The following GLG1 variants were observed in gnomAD, a reference collection of about 807,000 sequenced individuals.
GLG1 encodes the protein golgi glycoprotein 1.
Under a neutral mutation model 160.5 loss-of-function variants are expected in GLG1, and 38 were observed. The ratio of observed to expected loss-of-function variants is 0.24; its 90% CI spans 0.18 to 0.31. The LOEUF (loss-of-function observed/expected upper bound fraction) is 0.31. Among genes scored for constraint, GLG1 ranks in the 10% least tolerant of loss-of-function variants. GLG1 has a pLI of 1.00. For missense variants in GLG1, 1,373 were observed against 1,505.2 expected (o/e 0.91, Z 1.45); for synonymous variants, 644 against 543.4 (o/e 1.19, Z -2.57).
At chr16:74,570,466 A>G (rs2018793270) in intron 1 of GLG1, among the ~76,000 whole-genome samples, 1 of 152,252 alleles carries the variant, frequency 6.6e-6, no homozygotes, top group African/African-American at 2.4e-5. Context: ...GAATAAAAAA[A>G]AATGCACTGA....
intron 1 of GLG1, among the ~76,000 whole-genome samples, chr16:74,594,091 G>A (rs1415586645): frequency 6.6e-6 from 1 of 151,908 alleles, no homozygotes; most frequent in Non-Finnish European, 1.5e-5. Context: ...ATTGGTAGGA[G>A]AGACGGGATT....
chr16:74,575,844 C>T (rs2018986723), intron 1 of GLG1, among the ~76,000 whole-genome samples: 1 of 152,094 alleles, frequency 6.6e-6, no homozygotes, highest in Non-Finnish European at 1.5e-5. Context: ...ATCACGAAAC[C>T]ATATACAACC....
chr16:74,504,513 C>T (rs546106071), intron 3 of GLG1, among the ~76,000 whole-genome samples: 3 of 152,254 alleles, frequency 2.0e-5, no homozygotes, highest in Non-Finnish European at 4.4e-5. Flanking sequence ...GTCTCGAACT[C>T]CTGACCCCAC....
chr16:74,520,465 T>C (rs2017126794), intron 2 of GLG1, among the ~76,000 whole-genome samples: 1 of 152,038 alleles, frequency 6.6e-6, no homozygotes, highest in African/African-American at 2.4e-5. Flanking sequence ...GTAGAAACCC[T>C]ATCTCTACTA....
chr16:74,567,655 G>C (rs1414630931), intron 1 of GLG1, among the ~76,000 whole-genome samples: 1 of 136,460 alleles, frequency 7.3e-6, no homozygotes, highest in African/African-American at 2.7e-5. Flanking sequence ...TGCAAGCTCC[G>C]CTTCCCGGGT....
chr16:74,500,882 T>A (rs549267659), intron 4 of GLG1, among the ~76,000 whole-genome samples: 1 of 152,352 alleles, frequency 6.6e-6, no homozygotes, highest in East Asian at 1.9e-4. Flanking sequence ...TATTAATGTA[T>A]CTTCTTTGTT....
chr16:74,472,265 C>A (rs1169164565), intron 14 of GLG1, 84 bp downstream of exon 14: 1 of 882,790 alleles, frequency 1.1e-6, no homozygotes, highest in African/African-American at 1.7e-5. Flanking sequence ...ATGCTGCAGA[C>A]AGAGGTGAGT....
At chr16:74,507,641 C>T (rs2016659226) in intron 3 of GLG1, among the ~76,000 whole-genome samples, 1 of 151,936 alleles carries the variant, frequency 6.6e-6, no homozygotes, top group Admixed American at 6.6e-5. Context: ...GAGGCTGAGG[C>T]AGGAGAACTG....
intron 11 of GLG1, among the ~76,000 whole-genome samples, chr16:74,478,435 T>C (rs1178692411): frequency 6.6e-6 from 1 of 152,140 alleles, no homozygotes; most frequent in Non-Finnish European, 1.5e-5. Flanking sequence ...TATTGACAGA[T>C]ACAGTTAGTC....
At chr16:74,550,520 T>C (rs960329355) in intron 1 of GLG1, among the ~76,000 whole-genome samples, 1 of 152,168 alleles carries the variant, frequency 6.6e-6, no homozygotes, top group Non-Finnish European at 1.5e-5. Flanking sequence ...GGCGAGAAGA[T>C]GCCAAAAACT....
intron 2 of GLG1, among the ~76,000 whole-genome samples, chr16:74,510,248 C>T (rs1198695297): frequency 6.6e-6 from 1 of 152,094 alleles, no homozygotes; most frequent in Admixed American, 6.5e-5. Context: ...TCAGGCTGGT[C>T]TTGAACTCCT....
chr16:74,451,836 AAT>A lies in GLG1; in HGVS notation c.*1329_*1330del. ...GGAGGAATGAGGCGGGATGGCCAAG[AAT>A]ATTGCTTCTATAAAGCCCATATTCT... On this transcript the variant is annotated 3_prime_UTR_variant, in exon 26 of 26. Coordinates refer to ENST00000422840, the MANE Select transcript of GLG1 (RefSeq NM_001145667.2). 2.0e-6 allele frequency: 1 copy of A among 506,848 alleles called. No individual in the cohort carries two copies. The highest frequency in any genetic ancestry group is 3.6e-6 in the Non-Finnish European group (1 of 277,450). 31.4% of individuals were successfully genotyped at this position (506,848 alleles called of 1,614,324 possible). A position where few individuals can be genotyped will look rare whatever the true frequency, so the allele number is the denominator to read the frequency against.
At chr16:74,544,241 G>C (rs1261523082) in intron 1 of GLG1, among the ~76,000 whole-genome samples, 1 of 152,222 alleles carries the variant, frequency 6.6e-6, no homozygotes, top group African/African-American at 2.4e-5. Flanking sequence ...TTTGGAAAGA[G>C]ATCTGGGAAC....
chr16:74,606,795 C>A lies in GLG1; in HGVS notation c.300G>T (p.Arg100=), dbSNP rs767426574. ...PPFPAGGPPA[R]RGGAGAGGGW... ...CCCCACCAGCCCCCGCTCCTCCCCG[C>A]CGGGCCGGAGGCCCACCCGCCGGGA... is the stretch of plus-strand genomic sequence containing the variant. Residue 100 remains arginine (R), a synonymous_variant, in exon 1 of 26, where the codon CGG becomes CGT. Coordinates refer to ENST00000422840, the MANE Select transcript of GLG1 (RefSeq NM_001145667.2). 1.3e-6 allele frequency: 2 copies of A among 1,599,094 alleles called. No individual in the cohort carries two copies. The highest frequency in any genetic ancestry group is 1.7e-6 in the Non-Finnish European group (2 of 1,173,196).
chr16:74,466,768 G>C (rs2015014535), intron 18 of GLG1, among the ~76,000 whole-genome samples: 1 of 152,206 alleles, frequency 6.6e-6, no homozygotes, highest in African/African-American at 2.4e-5. Flanking sequence ...GTCTCCTGGA[G>C]CAGAATGGAC....
intron 3 of GLG1, among the ~76,000 whole-genome samples, chr16:74,507,971 G>A (rs1250958311): frequency 2.0e-5 from 3 of 151,974 alleles, no homozygotes; most frequent in Admixed American, 1.3e-4. Flanking sequence ...ATGCCTTTCT[G>A]CTCGGAAGCC....
intron 1 of GLG1, among the ~76,000 whole-genome samples, chr16:74,548,351 T>C (rs1433591637): frequency 6.6e-6 from 1 of 152,212 alleles, no homozygotes; most frequent in African/African-American, 2.4e-5. Context: ...AATATCTGAA[T>C]TCAAATGAAA....
chr16:74,585,512 C>G (rs912564438), intron 1 of GLG1, among the ~76,000 whole-genome samples: 1 of 151,914 alleles, frequency 6.6e-6, no homozygotes, highest in Non-Finnish European at 1.5e-5. Context: ...TGAGACCATC[C>G]TGGCTAACAG....
At chr16:74,505,770 G>A (rs1567489049) in intron 3 of GLG1, among the ~76,000 whole-genome samples, 1 of 152,222 alleles carries the variant, frequency 6.6e-6, no homozygotes, top group Non-Finnish European at 1.5e-5. Flanking sequence ...CAGGAGAATT[G>A]CTAGAACCCG....
Sources: gnomAD v4.1 joint callset for allele counts (sites outside exome capture counted in the v4.1 genomes callset) on GRCh38, gnomAD v4.1.1 for gene constraint, MANE v1.5 for transcripts, NCBI Gene and HGNC (gene_info 2026-07-23, HGNC 2026-07-21) for gene names.